The following ANKRD31 variants were observed in gnomAD, a reference collection of about 807,000 sequenced individuals.
The protein encoded by ANKRD31 is ankyrin repeat domain-containing protein 31.
In ANKRD31, 147 loss-of-function variants were observed where a neutral mutation model predicts 186.0. That is an observed-to-expected ratio of 0.79 (90% CI 0.69 to 0.91). The LOEUF is 0.91. Among genes scored for constraint, ANKRD31 ranks in the 40% least tolerant of loss-of-function variants. ANKRD31 has a pLI of 0.00. For synonymous variants in ANKRD31, 673 were observed against 736.4 expected (o/e 0.91, Z 1.39); for missense variants, 1,986 against 2,148.8 (o/e 0.92, Z 1.50).
chr5:75,187,814 C>T (rs749693765), intron 10 of ANKRD31, among the ~76,000 whole-genome samples: 7 of 152,118 alleles, frequency 4.6e-5, no homozygotes, highest in Non-Finnish European at 7.4e-5. Flanking sequence ...CACCATAAGA[C>T]TCTTTGCAAT....
intron 17 of ANKRD31, among the ~76,000 whole-genome samples, chr5:75,123,077 T>C (rs937549383): frequency 1.3e-5 from 2 of 152,072 alleles, no homozygotes; most frequent in Non-Finnish European, 2.9e-5. Context: ...AGTTTGATAA[T>C]TGAATTGAGT....
At position 75,195,801 on chromosome 5, in the gene ANKRD31, C is replaced by G; in HGVS notation, c.847G>C (p.Asp283His). 6.5e-7 allele frequency: 1 copy of G among 1,537,354 alleles called. No individual in the cohort carries two copies. Among genetic ancestry groups the G allele is most frequent in the Non-Finnish European group, 8.7e-7 (1 of 1,146,884 alleles). ...TCCAATAACTCAGCTGGCAATGCAT[C>G]ATCTTTTGCATCTTCTAGTAAATCT... Reference protein sequence around the residue: ...HRDLLEDAKDDALPAELLEAL... With the variant: ...HRDLLEDAKDHALPAELLEAL... The change falls in exon 7 of 26, where the codon GAT becomes CAT. Residue 283 changes from aspartate to histidine, a missense_variant. Coordinates refer to ENST00000506364, the MANE Select transcript of ANKRD31 (RefSeq NM_001372053.1).
Position 75,105,155 on chromosome 5 carries a change from T to C in ANKRD31, c.4404A>G (p.Arg1468=). 1 of 1,536,340 alleles carries C rather than the reference T, an allele frequency of 6.5e-7. No homozygotes were observed. Among genetic ancestry groups the C allele is most frequent in the Non-Finnish European group, 8.7e-7 (1 of 1,146,650 alleles). The part of the protein sequence containing the change: ...LREQLANLAA[R]QKSLLVVAKK... ...TTGCCACAACTAAAAGGCTCTTCTGTCTTGCAGCCAAGTTGGCCAATTGTT... is the reference window on the plus strand; with the variant it reads ...TTGCCACAACTAAAAGGCTCTTCTGCCTTGCAGCCAAGTTGGCCAATTGTT... The change falls in exon 22 of 26, where the codon AGA becomes AGG. Residue 1468 remains arginine (R), a synonymous_variant. Coordinates refer to ENST00000506364, the MANE Select transcript of ANKRD31 (RefSeq NM_001372053.1).
At chr5:75,140,234 A>AGAAAGAAGGAAG (rs1750913479) in intron 15 of ANKRD31, among the ~76,000 whole-genome samples, 1 of 101,770 alleles carries the variant, frequency 9.8e-6, no homozygotes, top group Non-Finnish European at 1.7e-5. Context: ...AAAGAAAGAA[A>AGAAAGAAGGAAG]GAAGGAAGGA....
At chr5:75,115,875 G>C (rs1184418388) in intron 19 of ANKRD31, among the ~76,000 whole-genome samples, 1 of 152,028 alleles carries the variant, frequency 6.6e-6, no homozygotes, top group Non-Finnish European at 1.5e-5. Flanking sequence ...TCTAGAACTA[G>C]AAATACCATT....
chr5:75,097,730 C>A, intron 22 of ANKRD31, among the ~76,000 whole-genome samples: 1 of 152,138 alleles, frequency 6.6e-6, no homozygotes, highest in Admixed American at 6.5e-5. Context: ...GAAGTCCTTG[C>A]CCATGCCTAT....
chr5:75,186,226 TA>T (rs1391893290), intron 10 of ANKRD31, among the ~76,000 whole-genome samples: 1 of 152,038 alleles, frequency 6.6e-6, no homozygotes, highest in African/African-American at 2.4e-5. Flanking sequence ...AAAACTTATT[TA>T]AAAAAAGAAA....
At chr5:75,137,496 G>A (rs1750681423) in intron 17 of ANKRD31, among the ~76,000 whole-genome samples, 1 of 152,040 alleles carries the variant, frequency 6.6e-6, no homozygotes. Flanking sequence ...GAAATTTTAA[G>A]TTAAAAAAAT....
intron 22 of ANKRD31, among the ~76,000 whole-genome samples, chr5:75,094,775 A>G (rs1342486743): frequency 6.6e-6 from 1 of 152,216 alleles, no homozygotes; most frequent in East Asian, 1.9e-4. Flanking sequence ...ACCCAACTAT[A>G]TAATGCATAT....
intron 17 of ANKRD31, among the ~76,000 whole-genome samples, chr5:75,136,925 A>G (rs1750628741): frequency 1.3e-5 from 2 of 152,166 alleles, no homozygotes; most frequent in Admixed American, 6.5e-5. Flanking sequence ...CAGAAAACCA[A>G]ACACCACATG....
Position 75,236,870 on chromosome 5 carries a change from T to TAGCAGTCTGCGAGGC in ANKRD31, c.-185_-184insGCCTCGCAGACTGCT. ...GCAGGCGGCCGCGAGCGCGGCGGGG[T>TAGCAGTCTGCGAGGC]AGCAGTCTGCGAGGCGGCCCGCGGG... is the stretch of plus-strand genomic sequence containing the variant. On this transcript the variant is annotated 5_prime_UTR_variant, in exon 1 of 26. Transcript: ENST00000506364. 2.2e-6 allele frequency: 1 copy of TAGCAGTCTGCGAGGC among 453,390 alleles called. No homozygotes were observed. The highest frequency in any genetic ancestry group is 3.7e-6 in the Non-Finnish European group (1 of 266,768). The allele number at this position is 453,390 out of a possible 1,614,324, so 28.1% of individuals were successfully genotyped here.
intron 1 of ANKRD31, among the ~76,000 whole-genome samples, chr5:75,235,522 C>T (rs190020560): frequency 6.6e-6 from 1 of 152,074 alleles, no homozygotes; most frequent in Admixed American, 6.5e-5. Context: ...TTGAACCATC[C>T]AGTGGGCACA....
chr5:75,075,376 AT>A (rs1744549872), intron 25 of ANKRD31, among the ~76,000 whole-genome samples: 1 of 152,138 alleles, frequency 6.6e-6, no homozygotes, highest in Non-Finnish European at 1.5e-5. Context: ...TCCTTCTAAA[AT>A]TTATTTATCT....
chr5:75,129,029 G>A (rs891873741), intron 17 of ANKRD31, among the ~76,000 whole-genome samples: 1 of 152,312 alleles, frequency 6.6e-6, no homozygotes, highest in Admixed American at 6.5e-5. Context: ...AATCCCCAGT[G>A]TTGGAGGTGG....
chr5:75,230,315 C>CA (rs1350433085), intron 2 of ANKRD31, among the ~76,000 whole-genome samples: 7 of 152,262 alleles, frequency 4.6e-5, no homozygotes, highest in South Asian at 2.1e-4. Flanking sequence ...ATGTATAGCT[C>CA]ACATTTATTT....
At chr5:75,144,195 C>T (rs1302255937) in intron 14 of ANKRD31, 24 bp from the exon 15 acceptor site, 18 of 396,260 alleles carry the variant, frequency 4.5e-5, no homozygotes, top group Admixed American at 2.2e-4. Context: ...TTTACAATAT[C>T]AGTGTTGTTG....
Position 75,126,215 on chromosome 5 carries a change from G to A in ANKRD31, c.3877-7918C>T, listed in dbSNP as rs1406830840. ...CCAGCACTTTGGGAGGCCAAGGTGG[G>A]TGGATCACCTGAGGTCAGGAGTTCG... On this transcript the variant is annotated intron_variant, in intron 17 of 25. Coordinates refer to ENST00000506364, the MANE Select transcript of ANKRD31 (RefSeq NM_001372053.1). Among the ~76,000 whole-genome samples, 8 of 152,288 alleles carry A rather than the reference G, an allele frequency of 5.3e-5. No homozygotes were observed. The East Asian group carries it at 1.2e-3, about 22-fold the overall frequency.
At chr5:75,226,056 T>A (rs1757606163) in intron 2 of ANKRD31, among the ~76,000 whole-genome samples, 1 of 152,098 alleles carries the variant, frequency 6.6e-6, no homozygotes, top group Non-Finnish European at 1.5e-5. Context: ...GTGATGGCCA[T>A]GGGGTGAGGC....
At chr5:75,187,835 T>G (rs1754841265) in intron 10 of ANKRD31, among the ~76,000 whole-genome samples, 1 of 152,134 alleles carries the variant, frequency 6.6e-6, no homozygotes, top group South Asian at 2.1e-4. Context: ...GTTTCTAAAC[T>G]GAGCAAGTTT....
Sources: gnomAD v4.1 joint callset for allele counts (sites outside exome capture counted in the v4.1 genomes callset) on GRCh38, gnomAD v4.1.1 for gene constraint, MANE v1.5 for transcripts, NCBI Gene and HGNC (gene_info 2026-07-23, HGNC 2026-07-21) for gene names.